The following SEMA3D variants were observed in gnomAD, a reference collection of about 807,000 sequenced individuals.
The protein encoded by SEMA3D is semaphorin-3D.
Under a neutral mutation model 100.1 loss-of-function variants are expected in SEMA3D, and 84 were observed. That is an observed-to-expected ratio of 0.84 (90% CI 0.70 to 1.01). The LOEUF (loss-of-function observed/expected upper bound fraction) is 1.01, where lower values mean the gene tolerates loss of function less well. SEMA3D is among the 50% of genes least tolerant of loss of function. SEMA3D has a pLI of 0.00. For synonymous variants in SEMA3D, 312 were observed against 320.7 expected, an observed-to-expected ratio of 0.97 and a Z score of 0.29; for missense variants, 875 against 934.1, an observed-to-expected ratio of 0.94 and a Z score of 0.82.
At chr7:85,081,390 T>G in intron 5 of SEMA3D, 127 bp downstream of exon 5, 2 of 567,766 alleles carry the variant, frequency 3.5e-6, no homozygotes, top group Non-Finnish European at 6.3e-6. Flanking sequence ...AATATTCACA[T>G]AGAATATGTT....
chr7:85,080,666 A>G (rs145077030), intron 5 of SEMA3D, among the ~76,000 whole-genome samples: 2 of 152,284 alleles, frequency 1.3e-5, no homozygotes, highest in African/African-American at 4.8e-5. Flanking sequence ...CATTACCATA[A>G]TGCAAGAAGT....
the SEMA3D span, among the ~76,000 whole-genome samples, chr7:85,208,721 C>A: frequency 3.3e-5 from 5 of 152,124 alleles, no homozygotes; most frequent in African/African-American, 1.2e-4. Flanking sequence ...TGCACTGCCA[C>A]TGGAAATGTG....
intron 2 of SEMA3D, among the ~76,000 whole-genome samples, chr7:85,144,032 T>A (rs902022848): frequency 6.6e-6 from 1 of 152,104 alleles, no homozygotes; most frequent in South Asian, 2.1e-4. Context: ...ATTTTAAATT[T>A]TCTTACAGTT....
intron 1 of SEMA3D, among the ~76,000 whole-genome samples, chr7:85,160,293 G>A (rs1222048129): frequency 6.6e-6 from 1 of 151,828 alleles, no homozygotes; most frequent in Non-Finnish European, 1.5e-5. Context: ...TATCAACCCA[G>A]CATGAAAGTA....
the SEMA3D span, among the ~76,000 whole-genome samples, chr7:85,240,867 T>C: frequency 6.6e-6 from 1 of 151,998 alleles, no homozygotes; most frequent in East Asian, 1.9e-4. Context: ...TAGAAATTTG[T>C]GTCATCTTTC....
At chr7:85,131,737 C>T (rs1184859940) in intron 2 of SEMA3D, among the ~76,000 whole-genome samples, 1 of 151,628 alleles carries the variant, frequency 6.6e-6, no homozygotes, top group Non-Finnish European at 1.5e-5. Flanking sequence ...TTCAATATAT[C>T]CTTTGTATTG....
At chr7:85,171,797 A>G (rs1791089709) in intron 1 of SEMA3D, among the ~76,000 whole-genome samples, 1 of 152,098 alleles carries the variant, frequency 6.6e-6, no homozygotes, top group South Asian at 2.1e-4. Flanking sequence ...GAGTGAATTT[A>G]TATATAAAAA....
chr7:85,006,594 G>T (rs1223907180), intron 18 of SEMA3D, among the ~76,000 whole-genome samples: 11 of 151,846 alleles, frequency 7.2e-5, no homozygotes, highest in Admixed American at 7.2e-4. Flanking sequence ...AAATCAGTCT[G>T]CTTTCAAATA....
At position 85,022,500 on chromosome 7, in the gene SEMA3D, T is replaced by G; in HGVS notation, c.1305A>C (p.Ala435=). The G allele has an allele frequency of 6.2e-7, 1 of 1,612,400 alleles. No homozygotes were observed. Among genetic ancestry groups the G allele is most frequent in the Non-Finnish European group, 8.5e-7 (1 of 1,178,804 alleles). The change falls in exon 13 of 19, where the codon GCA becomes GCC. Residue 435 remains alanine, a synonymous_variant. Transcript: ENST00000284136. ...SVMYKSVYPV[A]GGPTFKRINV... is the part of the protein sequence containing the mutation. ...TGATTCTCTTGAACGTTGGTCCTCC[T>G]GCAACTGGGTATACGGACTTATACA...
In SEMA3D at chr7:85,073,003, G is replaced by A; in HGVS notation, c.454C>T (p.His152Tyr). The A allele has an allele frequency of 6.2e-7, 1 of 1,610,524 alleles. No homozygotes were observed. Among genetic ancestry groups the A allele is most frequent in the Non-Finnish European group, 8.5e-7 (1 of 1,177,290 alleles). ...AGATCAATATACCCACATATTGGAT[G>A]AAATGCTCCAGTTCCACACACATAT... ...HIYVCGTGAF[H>Y]PICGYIDLGV... Residue 152 changes from histidine to tyrosine, a missense_variant, in exon 6 of 19, where the codon CAT becomes TAT. Transcript: ENST00000284136.
chr7:85,142,158 G>T (rs1370403825), intron 2 of SEMA3D: 25 of 984,476 alleles, frequency 2.5e-5, no homozygotes, highest in Non-Finnish European at 3.0e-5. Flanking sequence ...TTGCTGAAAA[G>T]GACAATTCGC....
chr7:85,073,378 T>C lies in SEMA3D; in HGVS notation c.376-297A>G, dbSNP rs142653760. Among the ~76,000 whole-genome samples, 518 of 152,210 alleles carry C rather than the reference T, an allele frequency of 3.4e-3. 2 individuals are homozygous for C. The highest frequency in any genetic ancestry group is 0.012 in the African/African-American group (487 of 41,536). ...TACTCAGTGAGCCCTAGAGAACGGA[T>C]ATAAACAGAATATGAATTAGACGTC... On this transcript the variant is annotated intron_variant, in intron 5 of 18. Coordinates refer to ENST00000284136, the MANE Select transcript of SEMA3D (RefSeq NM_001384900.1).
chr7:85,234,967 T>G, the SEMA3D span, among the ~76,000 whole-genome samples: 1 of 152,102 alleles, frequency 6.6e-6, no homozygotes, highest in African/African-American at 2.4e-5. Flanking sequence ...CACTGATTCT[T>G]AAGGAATTTC....
the SEMA3D span, among the ~76,000 whole-genome samples, chr7:85,193,817 A>G: frequency 0.66 from 99,393 of 151,520 alleles, 33,190 homozygotes; most frequent in East Asian, 0.92. Flanking sequence ...TTCTTTTTAT[A>G]TAGTATATCA....
intron 1 of SEMA3D, among the ~76,000 whole-genome samples, chr7:85,154,655 T>A (rs897345149): frequency 2.0e-5 from 3 of 152,164 alleles, no homozygotes; most frequent in Admixed American, 2.0e-4. Flanking sequence ...ACAGATTGTC[T>A]CCTTGTTTAT....
intron 2 of SEMA3D, among the ~76,000 whole-genome samples, chr7:85,123,619 A>C (rs1195485043): frequency 1.3e-5 from 2 of 152,116 alleles, no homozygotes; most frequent in Admixed American, 1.3e-4. Flanking sequence ...TACATGATAA[A>C]CATTTAAGGA....
At chr7:85,086,408 T>C (rs893656242) in intron 4 of SEMA3D, among the ~76,000 whole-genome samples, 3 of 152,004 alleles carry the variant, frequency 2.0e-5, no homozygotes, top group Middle Eastern at 3.2e-3. Context: ...TAATTCAATC[T>C]AAAAACACGA....
intron 15 of SEMA3D, among the ~76,000 whole-genome samples, 160 bp from the exon 16 acceptor site, chr7:85,015,376 C>G (rs1248518706): frequency 6.6e-6 from 1 of 151,776 alleles, no homozygotes; most frequent in African/African-American, 2.4e-5. Context: ...TAAAATAAGT[C>G]AATCATTTCT....
intron 13 of SEMA3D, 137 bp from the exon 14 acceptor site, chr7:85,020,458 A>G (rs1790224810): frequency 1.6e-6 from 1 of 637,532 alleles, no homozygotes; most frequent in Non-Finnish European, 2.8e-6. Context: ...TGAAACATGC[A>G]TGAACTGAAG....
Sources: gnomAD v4.1 joint callset for allele counts (sites outside exome capture counted in the v4.1 genomes callset) on GRCh38, gnomAD v4.1.1 for gene constraint, MANE v1.5 for transcripts, NCBI Gene and HGNC (gene_info 2026-07-23, HGNC 2026-07-21) for gene names.